The following GALC variants were observed in gnomAD, a reference collection of about 807,000 sequenced individuals.
The protein encoded by GALC is galactocerebrosidase.
In GALC, 77 loss-of-function variants were observed where a neutral mutation model predicts 91.8. The ratio of observed to expected loss-of-function variants is 0.84; its 90% CI spans 0.70 to 1.01. The LOEUF (loss-of-function observed/expected upper bound fraction) is 1.01. Ranked by LOEUF, GALC falls within the 50% of genes least tolerant of loss-of-function variation. The pLI, the probability that GALC is intolerant of heterozygous loss-of-function variation, is 0.00. For missense variants in GALC, 882 were observed against 855.9 expected (o/e 1.03, Z -0.38); for synonymous variants, 357 against 306.7 (o/e 1.16, Z -1.71).
chr14:87,963,801 C>A (rs1050353073), intron 9 of GALC, among the ~76,000 whole-genome samples: 9 of 151,856 alleles, frequency 5.9e-5, no homozygotes, highest in Non-Finnish European at 8.8e-5. Context: ...ATTCCCCCCC[C>A]AAACTTGGTT....
At chr14:87,984,186 A>C (rs975550642) in intron 5 of GALC, among the ~76,000 whole-genome samples, 29 of 151,868 alleles carry the variant, frequency 1.9e-4, no homozygotes, top group Admixed American at 4.6e-4. Context: ...TACACTCAAC[A>C]CAGTTTTCAA....
intron 7 of GALC, among the ~76,000 whole-genome samples, chr14:87,970,290 T>C (rs1886231694): frequency 6.6e-6 from 1 of 152,184 alleles, no homozygotes; most frequent in Admixed American, 6.5e-5. Flanking sequence ...TGTAAAGTAA[T>C]ATGCTAGCAT....
rs970984424 is a variant in GALC at position 87,934,394 on chromosome 14, G to A, written c.*338C>T. 3.9e-5 allele frequency: 49 copies of A among 1,266,330 alleles called. No individual in the cohort carries two copies. Among genetic ancestry groups the A allele is most frequent in the East Asian group, 7.9e-5 (2 of 25,400 alleles). The allele number at this position is 1,266,330 out of a possible 1,614,324, so 78.4% of individuals were successfully genotyped here. A position where few individuals can be genotyped will look rare whatever the true frequency, so the allele number is the denominator to read the frequency against. The stretch of plus-strand genomic sequence containing the variant: ...TCAAGTTACTGCCATCTACAGGACC[G>A]CTTGCAAATAAGATGAAGAGAGCTA... On this transcript the variant is annotated 3_prime_UTR_variant, in exon 17 of 17. Coordinates refer to ENST00000261304, the MANE Select transcript of GALC (RefSeq NM_000153.4).
chr14:87,970,476 C>T (rs1172857865), intron 7 of GALC, among the ~76,000 whole-genome samples: 3 of 151,718 alleles, frequency 2.0e-5, no homozygotes, highest in Non-Finnish European at 4.4e-5. Flanking sequence ...AAACTGTTAC[C>T]ACATTCAAAA....
chr14:87,982,476 A>G (rs922692344), intron 5 of GALC, among the ~76,000 whole-genome samples: 6 of 152,138 alleles, frequency 3.9e-5, no homozygotes, highest in Non-Finnish European at 8.8e-5. Flanking sequence ...GTATTTTTCA[A>G]AAAGTAATTT....
intron 10 of GALC, among the ~76,000 whole-genome samples, chr14:87,959,256 C>A (rs1885695586): frequency 6.6e-6 from 1 of 152,026 alleles, no homozygotes; most frequent in Non-Finnish European, 1.5e-5. Context: ...AAATGCAAAT[C>A]AAAACCACAA....
intron 15 of GALC, 143 bp from the exon 16 acceptor site, chr14:87,940,124 C>G: frequency 2.7e-6 from 2 of 744,852 alleles, no homozygotes; most frequent in Non-Finnish European, 4.8e-6. Context: ...ATTCCCAGAT[C>G]TACAACTGAG....
intron 14 of GALC, among the ~76,000 whole-genome samples, chr14:87,943,614 G>C (rs1319309919): frequency 6.6e-6 from 1 of 151,988 alleles, no homozygotes; most frequent in Non-Finnish European, 1.5e-5. Flanking sequence ...GTGAAATATT[G>C]GGTAAATCTT....
At chr14:87,971,911 C>T (rs767354853) in intron 7 of GALC, among the ~76,000 whole-genome samples, 45 of 152,248 alleles carry the variant, frequency 3.0e-4, no homozygotes, top group Non-Finnish European at 5.6e-4. Context: ...AAGGCAGGAA[C>T]GCTTTGTTTG....
chr14:87,953,024 G>T, intron 10 of GALC: 1 of 1,205,054 alleles, frequency 8.3e-7, no homozygotes, highest in Non-Finnish European at 1.2e-6. Context: ...TGTTGGATTT[G>T]GTTTGTAGTA....
rs745493654 is a variant in GALC, at chr14:87,986,610, G to A, written c.329-8C>T. On this transcript the variant is annotated splice_polypyrimidine_tract_variant and splice_region_variant and intron_variant, in intron 3 of 16. Transcript: ENST00000261304. ...GGGAGGGCTCAGTGCCGTCTGAATA[G>A]AGGAGAGCAAAAACGGAAGTAATGA... The A allele has an allele frequency of 5.7e-6, 9 of 1,565,268 alleles. No individual in the cohort carries two copies. Among genetic ancestry groups the A allele is most frequent in the East Asian group, 2.2e-5 (1 of 44,630 alleles).
At chr14:87,985,024 G>A (rs1886911713) in intron 4 of GALC, among the ~76,000 whole-genome samples, 1 of 152,000 alleles carries the variant, frequency 6.6e-6, no homozygotes, top group Non-Finnish European at 1.5e-5. Context: ...TAATCAGTCA[G>A]GCAATCTAAT....
chr14:87,947,665 T>A, intron 13 of GALC, 63 bp downstream of exon 13: 1 of 1,496,694 alleles, frequency 6.7e-7, no homozygotes, highest in Non-Finnish European at 9.3e-7. Context: ...GTTTGACAGG[T>A]AGAAATCAAC....
rs60797274 is a variant in GALC, at chr14:87,947,957, T to C, written c.1339-79A>G. The C allele has an allele frequency of 0.071, 93,682 of 1,325,550 alleles. 3,765 individuals carry two copies. Among genetic ancestry groups the C allele is most frequent in the African/African-American group, 0.1 (7,084 of 68,344 alleles). 82.1% of individuals were successfully genotyped at this position (1,325,550 alleles called of 1,614,324 possible). A position where few individuals can be genotyped will look rare whatever the true frequency, so the allele number is the denominator to read the frequency against. The stretch of plus-strand genomic sequence containing the variant: ...GTGGACAGAATAGCTTTAAAAAAAT[T>C]AGCTTAAAGAAAAGTCCAAATCATT... On this transcript the variant is annotated intron_variant, in intron 12 of 16. Transcript: ENST00000261304.
chr14:87,954,366 T>TG (rs1236961681), intron 10 of GALC: 1 of 1,601,892 alleles, frequency 6.2e-7, no homozygotes, highest in Non-Finnish European at 8.5e-7. Flanking sequence ...ATGTTAACAG[T>TG]GGAACAGGCC....
intron 10 of GALC, among the ~76,000 whole-genome samples, chr14:87,962,486 C>T (rs1434451425): frequency 1.3e-5 from 2 of 151,844 alleles, no homozygotes; most frequent in Non-Finnish European, 2.9e-5. Flanking sequence ...TGGCTCAAAC[C>T]TGATAGTAGG....
chr14:87,965,412 T>C (rs1885992737), intron 9 of GALC, 93 bp downstream of exon 9: 6 of 1,357,318 alleles, frequency 4.4e-6, no homozygotes, highest in Admixed American at 3.4e-5. Flanking sequence ...AAAACACGCA[T>C]AGACACACAG....
At chr14:87,989,476 T>A (rs1203480728) in intron 1 of GALC, 1 of 152,172 alleles carries the variant, frequency 6.6e-6, no homozygotes, top group African/African-American at 2.4e-5. Context: ...CCTCAATATA[T>A]CCCAAACCAA....
In GALC at chr14:87,992,325, G is replaced by GC. The variant is rs1296292684; in HGVS notation, c.195+644dup. On this transcript the variant is annotated intron_variant, in intron 1 of 16. Coordinates refer to ENST00000261304, the MANE Select transcript of GALC (RefSeq NM_000153.4). ...TCACCCAAAGGTCGGCCACCATGAA[G>GC]CCCATGGGCCCAGAGGGAGTACCCG... The GC allele has an allele frequency of 8.5e-6, 13 of 1,535,568 alleles. No individual in the cohort carries two copies. The African/African-American group carries it at 1.8e-4, about 21-fold the overall frequency.
Sources: gnomAD v4.1 joint callset for allele counts (sites outside exome capture counted in the v4.1 genomes callset) on GRCh38, gnomAD v4.1.1 for gene constraint, MANE v1.5 for transcripts, NCBI Gene and HGNC (gene_info 2026-07-23, HGNC 2026-07-21) for gene names.